The following TRIO variants were observed in gnomAD, a reference collection of about 807,000 sequenced individuals.
TRIO encodes trio Rho guanine nucleotide exchange factor.
Under a neutral mutation model 351.9 loss-of-function variants are expected in TRIO, and 58 were observed. That is an observed-to-expected ratio of 0.16 (90% CI 0.13 to 0.21). The LOEUF is 0.21. TRIO is among the 10% of genes least tolerant of loss of function. The pLI is 1.00. For synonymous variants in TRIO, 1,758 were observed against 1,595.7 expected (o/e 1.10, Z -2.42); for missense variants, 3,201 against 4,027.8 (o/e 0.79, Z 5.56).
chr5:14,259,504 G>T (rs188748088), intron 1 of TRIO, among the ~76,000 whole-genome samples: 1 of 152,302 alleles, frequency 6.6e-6, no homozygotes, highest in Admixed American at 6.5e-5. Flanking sequence ...TTCAGTAGGA[G>T]GGTAAATAAT....
chr5:14,277,633 A>G (rs925986047), intron 2 of TRIO, among the ~76,000 whole-genome samples: 2 of 152,202 alleles, frequency 1.3e-5, no homozygotes, highest in Non-Finnish European at 2.9e-5. Flanking sequence ...TATTTTTACT[A>G]GTTTCGGAAC....
At chr5:14,412,548 C>T (rs957908386) in intron 33 of TRIO, among the ~76,000 whole-genome samples, 2 of 152,162 alleles carry the variant, frequency 1.3e-5, no homozygotes, top group African/African-American at 4.8e-5. Flanking sequence ...ACATGGAAGG[C>T]GTAGGGCTGC....
intron 40 of TRIO, 46 bp downstream of exon 40, chr5:14,474,143 C>T (rs116941701): frequency 4.2e-5 from 66 of 1,573,460 alleles, no homozygotes; most frequent in Non-Finnish European, 4.9e-5. Context: ...AGCAGCCACA[C>T]TTGCTAAACC....
At chr5:14,420,999 G>T (rs1349287059) in intron 34 of TRIO, among the ~76,000 whole-genome samples, 1 of 152,122 alleles carries the variant, frequency 6.6e-6, no homozygotes, top group African/African-American at 2.4e-5. Flanking sequence ...TGGAGGTTGG[G>T]TTTTTGAATG....
intron 1 of TRIO, among the ~76,000 whole-genome samples, chr5:14,145,681 T>C (rs974129779): frequency 6.6e-6 from 1 of 152,218 alleles, no homozygotes; most frequent in African/African-American, 2.4e-5. Flanking sequence ...AAGGCTCTTC[T>C]GCGTTGGAGA....
At chr5:14,192,260 C>CTTT (rs754026270) in intron 1 of TRIO, among the ~76,000 whole-genome samples, 1 of 120,084 alleles carries the variant, frequency 8.3e-6, no homozygotes, top group Non-Finnish European at 1.8e-5. Context: ...TTTCCTTCTT[C>CTTT]TTTTTTTTTT....
intron 1 of TRIO, among the ~76,000 whole-genome samples, chr5:14,240,688 C>T (rs1361780846): frequency 6.6e-6 from 1 of 152,178 alleles, no homozygotes; most frequent in African/African-American, 2.4e-5. Flanking sequence ...AGAGAGATGG[C>T]ATCCTTTTGT....
chr5:14,460,901 C>A, intron 34 of TRIO, 118 bp from the exon 35 acceptor site: 2 of 1,236,624 alleles, frequency 1.6e-6, no homozygotes, highest in Non-Finnish European at 1.1e-6. Flanking sequence ...GTAGGCAAAG[C>A]CCGCTGACGA....
chr5:14,248,304 C>T (rs747737459), intron 1 of TRIO, among the ~76,000 whole-genome samples: 4 of 152,128 alleles, frequency 2.6e-5, no homozygotes, highest in Non-Finnish European at 5.9e-5. Context: ...AAACCTTAGG[C>T]ATTAGGTAAC....
At chr5:14,335,620 T>G (rs1005772063) in intron 10 of TRIO, among the ~76,000 whole-genome samples, 2 of 152,196 alleles carry the variant, frequency 1.3e-5, no homozygotes, top group Admixed American at 1.3e-4. Flanking sequence ...CACTTTGAGC[T>G]CTTTAAAACT....
chr5:14,316,766 C>T (rs1438341205), intron 9 of TRIO, 23 bp downstream of exon 9: 1 of 1,599,476 alleles, frequency 6.3e-7, no homozygotes, highest in South Asian at 1.1e-5. Flanking sequence ...TCATGCCCTT[C>T]TGCATGGGAA....
chr5:14,343,974 T>C (rs1742175311), intron 11 of TRIO, among the ~76,000 whole-genome samples: 1 of 152,252 alleles, frequency 6.6e-6, no homozygotes, highest in Non-Finnish European at 1.5e-5. Context: ...AAATCCAGTA[T>C]GTAATATTTT....
chr5:14,463,476 G>A (rs570351075), intron 36 of TRIO, among the ~76,000 whole-genome samples: 11 of 152,146 alleles, frequency 7.2e-5, no homozygotes, highest in East Asian at 1.9e-4. Flanking sequence ...TTGGGTCTAC[G>A]CAGGAGCTTC....
rs534928585 is a variant in TRIO, at chr5:14,497,992, T to G, written c.8048-97T>G. 233 of 1,610,242 alleles carry G rather than the reference T, an allele frequency of 1.4e-4. 1 individual carries two copies. In the African/African-American group the frequency reaches 2.6e-3, roughly 18 times the overall value. ...TTTTCCGTGGCGCTCTAGGCGTGCA[T>G]AGCAGGTTAGGTCCTATCAATCTGT... On this transcript the variant is annotated intron_variant, in intron 51 of 56. Coordinates refer to ENST00000344204, the MANE Select transcript of TRIO (RefSeq NM_007118.4). This position sits in a 1 kb window ranked among gnomAD's most constrained non-coding sequence, Gnocchi z 4.4.
At chr5:14,507,655 C>T (rs1201472922) in intron 56 of TRIO, among the ~76,000 whole-genome samples, 2 of 152,108 alleles carry the variant, frequency 1.3e-5, no homozygotes, top group Admixed American at 6.5e-5. Flanking sequence ...ACTTAGATCT[C>T]CAAAGAGAGC....
chr5:14,316,584 G>C lies in TRIO; in HGVS notation c.1572G>C (p.Leu524=). The change falls in exon 9 of 57, where the codon CTG becomes CTC. Residue 524 remains leucine (L), a synonymous_variant. Coordinates refer to ENST00000344204, the MANE Select transcript of TRIO (RefSeq NM_007118.4). ...TGACTCCCGGCAGCTCCGATTCCCTGACAGCCTCTGCCAACTACTCCAAGG... is the reference window on the plus strand; with the variant it reads ...TGACTCCCGGCAGCTCCGATTCCCTCACAGCCTCTGCCAACTACTCCAAGG... ...RPLTPGSSDS[L]TASANYSKAV... 6.2e-7 allele frequency: 1 copy of C among 1,614,184 alleles called. No homozygotes were observed. The highest frequency in any genetic ancestry group is 8.5e-7 in the Non-Finnish European group (1 of 1,180,024).
chr5:14,381,367 C>T, intron 21 of TRIO, 115 bp downstream of exon 21: 1 of 1,298,732 alleles, frequency 7.7e-7, no homozygotes, highest in Non-Finnish European at 1.0e-6. Context: ...TGGGCTGTTC[C>T]ACATTAACTG....
chr5:14,436,663 G>A (rs1324860283), intron 34 of TRIO, among the ~76,000 whole-genome samples: 2 of 152,190 alleles, frequency 1.3e-5, no homozygotes, highest in African/African-American at 4.8e-5. Context: ...GGTAAATACA[G>A]CCATTCCAAA....
chr5:14,484,997 C>G, intron 46 of TRIO, 72 bp from the exon 47 acceptor site: 1 of 1,404,170 alleles, frequency 7.1e-7, no homozygotes, highest in Non-Finnish European at 9.4e-7. Flanking sequence ...GTCCATTCAT[C>G]GGTCAGTGGA....
Sources: allele counts gnomAD v4.1 joint callset (sites outside exome capture counted in the v4.1 genomes callset), GRCh38; gene constraint gnomAD v4.1.1; non-coding constraint Gnocchi (gnomAD v3.1); transcripts MANE v1.5; gene names NCBI Gene and HGNC (gene_info 2026-07-23, HGNC 2026-07-21).